Variants in SMTNL2 observed in about 807,000 individuals in gnomAD.
The protein encoded by SMTNL2 is smoothelin-like protein 2.
A neutral mutation model predicts 44.1 loss-of-function variants in SMTNL2; 43 were observed. The observed-to-expected ratio is 0.98, with a 90% CI of 0.76 to 1.26. SMTNL2 has a LOEUF of 1.26. Ranked by LOEUF, SMTNL2 falls within the 50% of genes most tolerant of loss-of-function variation. SMTNL2 has a pLI of 0.00. For synonymous variants in SMTNL2, 317 were observed against 287.6 expected, an observed-to-expected ratio of 1.10 and a Z score of -1.03; for missense variants, 646 against 670.2, an observed-to-expected ratio of 0.96 and a Z score of 0.40.
intron 3 of SMTNL2, 107 bp downstream of exon 3, chr17:4,593,278 C>T: frequency 7.0e-7 from 1 of 1,435,634 alleles, no homozygotes; most frequent in South Asian, 1.5e-5. Context: ...AAACGAGGGG[C>T]TAAGCCCAGC....
chr17:4,588,781 CT>C (rs1427177537), intron 1 of SMTNL2, among the ~76,000 whole-genome samples: 7 of 152,226 alleles, frequency 4.6e-5, no homozygotes, highest in Non-Finnish European at 8.8e-5. Context: ...TCTCTGCCCC[CT>C]AGAAGGCCAG....
In SMTNL2 at chr17:4,593,112, TG is replaced by T; in HGVS notation, c.677del (p.Gly226AlafsTer36). The T allele has an allele frequency of 5.6e-6, 9 of 1,613,596 alleles. No homozygotes were observed. Among genetic ancestry groups the T allele is most frequent in the Non-Finnish European group, 7.6e-6 (9 of 1,179,786 alleles). ...AALSPMSAAT[L>X]GGLNPSPSEV... ...CTATCACCCATGTCTGCTGCCACCCTGGGGGGCCTCAACCCAAGCCCCAGCG... is the reference window on the plus strand; with the variant it reads ...CTATCACCCATGTCTGCTGCCACCCTGGGGGCCTCAACCCAAGCCCCAGCG... On this transcript the variant is annotated frameshift_variant, in exon 3 of 8. Coordinates refer to ENST00000389313, the MANE Select transcript of SMTNL2 (RefSeq NM_001114974.2). LOFTEE classifies it high-confidence loss of function.
In SMTNL2 at chr17:4,589,938, C is replaced by CTTTTTTTTTTTTTTTTTTTTT; in HGVS notation, c.400-2397_400-2377dup. Reference sequence around the variant, plus strand: ...CCAGGCTGCCTTTGGACGCACCTGGCTTTTTTTTTTTTTTTTTTTTTTTTT... The same window carrying CTTTTTTTTTTTTTTTTTTTTT: ...CCAGGCTGCCTTTGGACGCACCTGGCTTTTTTTTTTTTTTTTTTTTTTTTTTTTTTTTTTTTTTTTTTTTTT... On this transcript the variant is annotated intron_variant, in intron 1 of 7. Coordinates refer to ENST00000389313, the MANE Select transcript of SMTNL2 (RefSeq NM_001114974.2). 3.3e-5 allele frequency among the ~76,000 whole-genome samples: 2 copies of CTTTTTTTTTTTTTTTTTTTTT among 59,792 alleles called. 1 individual carries two copies. Among genetic ancestry groups the CTTTTTTTTTTTTTTTTTTTTT allele is most frequent in the South Asian group, 1.3e-3 (2 of 1,486 alleles). 39.2% of individuals were successfully genotyped at this position (59,792 alleles called of 152,430 possible). A position where few individuals can be genotyped will look rare whatever the true frequency, so the allele number is the denominator to read the frequency against.
At position 4,593,023 on chromosome 17, in the gene SMTNL2, C is replaced by G. The variant is rs769525323; in HGVS notation, c.582C>G (p.His194Gln). The G allele has an allele frequency of 1.2e-6, 2 of 1,614,054 alleles. No individual in the cohort carries two copies. The highest frequency in any genetic ancestry group is 1.7e-6 in the Non-Finnish European group (2 of 1,179,988). The stretch of plus-strand genomic sequence containing the variant: ...TGAGCCTCTCCTTGCGGCTGCCCCA[C>G]CAGCCAGTCACGGCCATCACCCGAG... ...RPVSLSLRLP[H>Q]QPVTAITRVS... The change falls in exon 3 of 8, where the codon CAC becomes CAG. Residue 194 changes from histidine to glutamine, a missense_variant. Coordinates refer to ENST00000389313, the MANE Select transcript of SMTNL2 (RefSeq NM_001114974.2).
Position 4,593,145 on chromosome 17 carries a change from TCAC to T in SMTNL2, c.705_707del (p.Ile235_Thr236delinsMet). 1.2e-6 allele frequency: 2 copies of T among 1,609,402 alleles called. No homozygotes were observed. Among genetic ancestry groups the T allele is most frequent in the Non-Finnish European group, 1.7e-6 (2 of 1,176,802 alleles). The stretch of plus-strand genomic sequence containing the variant: ...CTCAACCCAAGCCCCAGCGAGGTCA[TCAC>T]GCCCTGGACTCCCAGTCCTAGCGGT... On this transcript the variant is annotated inframe_deletion, in exon 3 of 8. Coordinates refer to ENST00000389313, the MANE Select transcript of SMTNL2 (RefSeq NM_001114974.2).
In SMTNL2 at chr17:4,592,545, T is replaced by C. The variant is rs1909623558; in HGVS notation, c.487+97T>C. 1 of 1,127,612 alleles carries C rather than the reference T, an allele frequency of 8.9e-7. No homozygotes were observed. Among genetic ancestry groups the C allele is most frequent in the African/African-American group, 1.6e-5 (1 of 64,400 alleles). The allele number at this position is 1,127,612 out of a possible 1,614,324, so 69.9% of individuals were successfully genotyped here. ...TGCCAGGCTGGCCCTTGGCCTGGCA[T>C]CGGGGGGACTCTATCCTGAACCCCA... On this transcript the variant is annotated intron_variant, in intron 2 of 7. Transcript: ENST00000389313. This position sits in a 1 kb window ranked among gnomAD's most constrained non-coding sequence, Gnocchi z 4.5.
At position 4,598,405 on chromosome 17, in the gene SMTNL2, CGA is replaced by C; in HGVS notation, c.1259+1084_1259+1085del. ...AGAGAAGTAAGGCCGTCCCCAAAGC[CGA>C]GTCTTCTGGAGGGCGCGTTTGTTAT... On this transcript the variant is annotated intron_variant, in intron 7 of 7. Transcript: ENST00000389313. This position sits in a 1 kb window ranked among gnomAD's most constrained non-coding sequence, Gnocchi z 4.8. 6.6e-6 allele frequency among the ~76,000 whole-genome samples: 1 copy of C among 152,286 alleles called. No homozygotes were observed. The highest frequency in any genetic ancestry group is 2.1e-4 in the South Asian group (1 of 4,826).
chr17:4,586,891 T>G (rs1484888282), intron 1 of SMTNL2, among the ~76,000 whole-genome samples: 1 of 151,890 alleles, frequency 6.6e-6, no homozygotes, highest in Non-Finnish European at 1.5e-5. Context: ...AGATGCTGGG[T>G]TCCACCCGGG....
intron 6 of SMTNL2, 70 bp downstream of exon 6, chr17:4,597,047 C>T: frequency 6.7e-7 from 1 of 1,487,598 alleles, no homozygotes. Context: ...CGCCCCTGTC[C>T]TTGTTCTCCC....
chr17:4,604,298 AC>A (rs1277458366), intron 7 of SMTNL2, among the ~76,000 whole-genome samples: 1 of 152,136 alleles, frequency 6.6e-6, no homozygotes, highest in Non-Finnish European at 1.5e-5. Flanking sequence ...TCATCACCCC[AC>A]AAAGCCTGTT....
rs976742311 is a variant in SMTNL2, at chr17:4,607,684, G to A, written c.*197G>A. On this transcript the variant is annotated 3_prime_UTR_variant, in exon 8 of 8. Transcript: ENST00000389313. The surrounding 1 kb of genome is among the most constrained non-coding windows in gnomAD (Gnocchi z 4.7). ...AGTACTGCTGAGCTGTGGTCCGACA[G>A]CACTGATCACAGCCAAGGGCTTGGA... is the stretch of plus-strand genomic sequence containing the variant. 1.7e-5 allele frequency: 14 copies of A among 815,118 alleles called. No homozygotes were observed. Among genetic ancestry groups the A allele is most frequent in the Non-Finnish European group, 2.5e-5 (14 of 554,446 alleles). The allele number at this position is 815,118 out of a possible 1,614,324, so 50.5% of individuals were successfully genotyped here. A position where few individuals can be genotyped will look rare whatever the true frequency, so the allele number is the denominator to read the frequency against.
chr17:4,606,691 G>C (rs766156102), intron 7 of SMTNL2, among the ~76,000 whole-genome samples: 1 of 151,868 alleles, frequency 6.6e-6, no homozygotes, highest in Non-Finnish European at 1.5e-5. Context: ...GATCACCTGA[G>C]GTCAGGAGAT....
chr17:4,586,903 C>T (rs960006492), intron 1 of SMTNL2, among the ~76,000 whole-genome samples: 3 of 151,924 alleles, frequency 2.0e-5, no homozygotes, highest in Non-Finnish European at 4.4e-5. Flanking sequence ...CCACCCGGGT[C>T]GTGCTGAACA....
chr17:4,587,883 G>A (rs1304112315), intron 1 of SMTNL2, among the ~76,000 whole-genome samples: 1 of 152,202 alleles, frequency 6.6e-6, no homozygotes, highest in Admixed American at 6.5e-5. Flanking sequence ...GGCAGCTTGA[G>A]GCCAGGCCCA....
chr17:4,601,829 C>G (rs2150525219), intron 7 of SMTNL2, among the ~76,000 whole-genome samples: 1 of 152,198 alleles, frequency 6.6e-6, no homozygotes, highest in African/African-American at 2.4e-5. Flanking sequence ...CTGTTTGAAT[C>G]ATTAAAACAA....
rs375005853 is a variant in SMTNL2, at chr17:4,595,133, T to C, written c.807-12T>C. 3.1e-6 allele frequency: 5 copies of C among 1,613,032 alleles called. No individual in the cohort carries two copies. Among genetic ancestry groups the C allele is most frequent in the Non-Finnish European group, 4.2e-6 (5 of 1,179,942 alleles). The stretch of plus-strand genomic sequence containing the variant: ...CTGGGCCCAGGTCCCAACTCGGCGA[T>C]TCTTTCCTCAGCCCACCGCTGGTGA... On this transcript the variant is annotated splice_polypyrimidine_tract_variant and intron_variant, in intron 4 of 7. Transcript: ENST00000389313. The surrounding 1 kb of genome is among the most constrained non-coding windows in gnomAD (Gnocchi z 5.1).
At chr17:4,599,459 C>G (rs1434443079) in intron 7 of SMTNL2, among the ~76,000 whole-genome samples, 6 of 151,984 alleles carry the variant, frequency 3.9e-5, no homozygotes, top group Non-Finnish European at 7.4e-5. Flanking sequence ...GGGTGGATAC[C>G]CCAGCACCCA....
rs906778747 is a variant in SMTNL2 at position 4,595,175 on chromosome 17, C to T, written c.837C>T (p.Pro279=). The T allele has an allele frequency of 5.0e-6, 8 of 1,613,038 alleles. No homozygotes were observed. Among genetic ancestry groups the T allele is most frequent in the Admixed American group, 3.3e-5 (2 of 60,000 alleles). Residue 279 remains proline (P), a synonymous_variant, in exon 5 of 8, where the codon CCC becomes CCT. Coordinates refer to ENST00000389313, the MANE Select transcript of SMTNL2 (RefSeq NM_001114974.2). The surrounding 1 kb of genome is among the most constrained non-coding windows in gnomAD (Gnocchi z 5.1). The stretch of plus-strand genomic sequence containing the variant: ...CGCTGGTGACACCACCCCAGTCGCC[C>T]GTGTCCCCGCAGCCGCCAGCCATAA... The part of the protein sequence containing the change: ...SPPLVTPPQS[P]VSPQPPAITQ...
Position 4,607,445 on chromosome 17 carries a change from C to A in SMTNL2, c.1344C>A (p.Thr448=). The change falls in exon 8 of 8, where the codon ACC becomes ACA. Residue 448 remains threonine (T), a synonymous_variant. Transcript: ENST00000389313. The surrounding 1 kb of genome is among the most constrained non-coding windows in gnomAD (Gnocchi z 4.7). ...GRKPDPMCVF[T]YVQSLYNHLR... ...AGCCGGACCCCATGTGTGTCTTCACCTACGTCCAGTCGCTGTACAACCACC... is the reference window on the plus strand; with the variant it reads ...AGCCGGACCCCATGTGTGTCTTCACATACGTCCAGTCGCTGTACAACCACC... The A allele has an allele frequency of 6.2e-7, 1 of 1,614,212 alleles. No homozygotes were observed. The highest frequency in any genetic ancestry group is 8.5e-7 in the Non-Finnish European group (1 of 1,180,038).
Sources: gnomAD v4.1 joint callset for allele counts (sites outside exome capture counted in the v4.1 genomes callset) on GRCh38, gnomAD v4.1.1 for gene constraint, Gnocchi (gnomAD v3.1) non-coding constraint, MANE v1.5 for transcripts, NCBI Gene and HGNC (gene_info 2026-07-23, HGNC 2026-07-21) for gene names.